Variants in ENTHD1 observed in about 807,000 individuals in gnomAD.
The protein encoded by ENTHD1 is ENTH domain-containing protein 1.
In ENTHD1, 23 loss-of-function variants were observed where a neutral mutation model predicts 39.1. The ratio of observed to expected loss-of-function variants is 0.59; its 90% CI spans 0.42 to 0.83. The LOEUF (loss-of-function observed/expected upper bound fraction) is 0.83. Ranked by LOEUF, ENTHD1 falls within the 40% of genes least tolerant of loss-of-function variation. The pLI is 0.00. For missense variants in ENTHD1, 624 were observed against 705.4 expected, an observed-to-expected ratio of 0.88 and a Z score of 1.31; for synonymous variants, 230 against 258.2, an observed-to-expected ratio of 0.89 and a Z score of 1.05.
At chr22:39,872,048 T>G (rs914307090) in intron 2 of ENTHD1, among the ~76,000 whole-genome samples, 1 of 152,196 alleles carries the variant, frequency 6.6e-6, no homozygotes, top group Non-Finnish European at 1.5e-5. Flanking sequence ...CATCATATAT[T>G]AGGTGGGTTC....
chr22:39,756,339 C>T (rs186502529), intron 6 of ENTHD1, among the ~76,000 whole-genome samples: 4 of 151,578 alleles, frequency 2.6e-5, no homozygotes, highest in East Asian at 1.9e-4. Flanking sequence ...CACACACACA[C>T]GCACACACTT....
In ENTHD1 at chr22:39,875,361, G is replaced by A; in HGVS notation, c.349+12039C>T. 3 of 1,371,438 alleles carry A rather than the reference G, an allele frequency of 2.2e-6. No homozygotes were observed. The South Asian group carries it at 5.3e-5, about 24-fold the overall frequency. 85.0% of individuals were successfully genotyped at this position (1,371,438 alleles called of 1,614,324 possible). A position where few individuals can be genotyped will look rare whatever the true frequency, so the allele number is the denominator to read the frequency against. On this transcript the variant is annotated intron_variant, in intron 2 of 6. Coordinates refer to ENST00000325157, the MANE Select transcript of ENTHD1 (RefSeq NM_152512.4). The stretch of plus-strand genomic sequence containing the variant: ...TCGGCCACGTCCCGCGGGGTGGCGG[G>A]CGCGCTGCGGCCCTTGGTGCAGGCC...
chr22:39,885,195 G>C (rs181170578), intron 2 of ENTHD1, among the ~76,000 whole-genome samples: 1 of 152,310 alleles, frequency 6.6e-6, no homozygotes, highest in Non-Finnish European at 1.5e-5. Flanking sequence ...GATTGGAATA[G>C]ATGTTACACC....
chr22:39,876,784 T>C (rs1378549045), intron 2 of ENTHD1, among the ~76,000 whole-genome samples: 2 of 152,216 alleles, frequency 1.3e-5, no homozygotes, highest in African/African-American at 4.8e-5. Context: ...ATTAGTCAAC[T>C]CTGACATTTC....
intron 5 of ENTHD1, among the ~76,000 whole-genome samples, chr22:39,794,435 T>C (rs950183083): frequency 6.6e-6 from 1 of 152,230 alleles, no homozygotes; most frequent in Non-Finnish European, 1.5e-5. Flanking sequence ...CCAATTTGGA[T>C]GCCTTTTCTT....
At chr22:39,813,146 C>A (rs944279547) in intron 5 of ENTHD1, among the ~76,000 whole-genome samples, 1 of 152,104 alleles carries the variant, frequency 6.6e-6, no homozygotes, top group African/African-American at 2.4e-5. Flanking sequence ...CTTCCTGCAG[C>A]CCTCTGCCAG....
intron 4 of ENTHD1, among the ~76,000 whole-genome samples, chr22:39,833,932 A>G (rs993338720): frequency 1.7e-5 from 2 of 116,370 alleles, no homozygotes; most frequent in East Asian, 2.6e-4. Flanking sequence ...ACAACTGGAT[A>G]TACTTGGGCA....
intron 3 of ENTHD1, among the ~76,000 whole-genome samples, chr22:39,852,051 G>T (rs2066044537): frequency 6.6e-6 from 1 of 151,998 alleles, no homozygotes; most frequent in South Asian, 2.1e-4. Flanking sequence ...TAAAAATGCT[G>T]TCCAGGCATG....
intron 5 of ENTHD1, among the ~76,000 whole-genome samples, chr22:39,795,228 TG>T (rs1744891310): frequency 6.6e-6 from 1 of 152,124 alleles, no homozygotes; most frequent in Non-Finnish European, 1.5e-5. Context: ...GTTTTCTTTT[TG>T]TCGTGTCATT....
In ENTHD1 at chr22:39,752,641, C is replaced by T. The variant is rs746585340; in HGVS notation, c.1220-8358G>A. 5.3e-5 allele frequency among the ~76,000 whole-genome samples: 8 copies of T among 152,146 alleles called. No homozygotes were observed. In the South Asian group the frequency reaches 1.0e-3, roughly 20 times the overall value. ...ACATAAAATAATAGATTTAGGAAAACTCTTAATCACTTATGCTAAATTTTA... is the reference window on the plus strand; with the variant it reads ...ACATAAAATAATAGATTTAGGAAAATTCTTAATCACTTATGCTAAATTTTA... On this transcript the variant is annotated intron_variant, in intron 6 of 6. Coordinates refer to ENST00000325157, the MANE Select transcript of ENTHD1 (RefSeq NM_152512.4).
chr22:39,809,364 A>G (rs2065668148), intron 5 of ENTHD1, among the ~76,000 whole-genome samples: 1 of 152,210 alleles, frequency 6.6e-6, no homozygotes, highest in Non-Finnish European at 1.5e-5. Flanking sequence ...GATAAGTGCT[A>G]TAGAGTGAAT....
intron 5 of ENTHD1, among the ~76,000 whole-genome samples, chr22:39,809,614 C>CCTTTT (rs2065670166): frequency 6.6e-6 from 1 of 152,166 alleles, no homozygotes; most frequent in East Asian, 1.9e-4. Context: ...ACAATTTGCT[C>CCTTTT]AGCCACCTTT....
At chr22:39,883,279 G>A (rs573951908) in intron 2 of ENTHD1, among the ~76,000 whole-genome samples, 1 of 151,858 alleles carries the variant, frequency 6.6e-6, no homozygotes, top group Admixed American at 6.6e-5. Flanking sequence ...TAGTGTACTT[G>A]TACTTACTTT....
chr22:39,758,037 T>A (rs1461672801), intron 6 of ENTHD1, among the ~76,000 whole-genome samples: 3 of 152,178 alleles, frequency 2.0e-5, no homozygotes, highest in African/African-American at 7.2e-5. Flanking sequence ...AATTACCTAG[T>A]CTTAGTCATT....
chr22:39,871,605 G>A (rs1306183849), intron 2 of ENTHD1, among the ~76,000 whole-genome samples: 1 of 152,178 alleles, frequency 6.6e-6, no homozygotes, highest in Non-Finnish European at 1.5e-5. Flanking sequence ...GGCTAAACTG[G>A]TTGCTTTCCC....
At chr22:39,770,997 C>T (rs1004911732) in intron 5 of ENTHD1, among the ~76,000 whole-genome samples, 2 of 152,174 alleles carry the variant, frequency 1.3e-5, no homozygotes, top group Non-Finnish European at 2.9e-5. Context: ...CTTCTTTGAG[C>T]ATGATGTTTG....
At chr22:39,834,548 G>T (rs1382125625) in intron 4 of ENTHD1, among the ~76,000 whole-genome samples, 1 of 152,054 alleles carries the variant, frequency 6.6e-6, no homozygotes, top group Non-Finnish European at 1.5e-5. Context: ...AATATAAAAT[G>T]GTATAGCCAC....
intron 4 of ENTHD1, among the ~76,000 whole-genome samples, chr22:39,825,079 C>G (rs1289575685): frequency 6.6e-6 from 1 of 152,170 alleles, no homozygotes; most frequent in African/African-American, 2.4e-5. Flanking sequence ...TTTGGGTCCT[C>G]TTTAATTTCC....
At chr22:39,766,044 AAAAAAG>A (rs2065275142) in intron 5 of ENTHD1, among the ~76,000 whole-genome samples, 5 of 149,416 alleles carry the variant, frequency 3.3e-5, no homozygotes, top group African/African-American at 1.2e-4. Context: ...AAAAAAAAAA[AAAAAAG>A]AAAGAAAAAG....
Sources: allele counts gnomAD v4.1 joint callset (sites outside exome capture counted in the v4.1 genomes callset), GRCh38; gene constraint gnomAD v4.1.1; transcripts MANE v1.5; gene names NCBI Gene and HGNC (gene_info 2026-07-23, HGNC 2026-07-21).